ZFHX3: variants seen among roughly 807,000 people sequenced by gnomAD.
ZFHX3 encodes the protein zinc finger homeobox 3.
In ZFHX3, 42 loss-of-function variants were observed where a neutral mutation model predicts 279.1. That is an observed-to-expected ratio of 0.15 (90% CI 0.12 to 0.19). The LOEUF is 0.19. ZFHX3 is among the 10% of genes least tolerant of loss of function. The pLI is 1.00. For missense variants in ZFHX3, 4,981 were observed against 4,754.0 expected, an observed-to-expected ratio of 1.05 and a Z score of -1.40; for synonymous variants, 2,293 against 1,957.8, an observed-to-expected ratio of 1.17 and a Z score of -4.52.
chr16:73,508,363 A>T (rs1336432494), intron 2 of ZFHX3, among the ~76,000 whole-genome samples: 1 of 152,104 alleles, frequency 6.6e-6, no homozygotes, highest in Non-Finnish European at 1.5e-5. Flanking sequence ...GAGAAAGAGG[A>T]GGAGGAAGAG....
At chr16:73,388,718 T>G (rs1351150192) in intron 3 of ZFHX3, 1 of 152,236 alleles carries the variant, frequency 6.6e-6, no homozygotes. Flanking sequence ...ACTTCCCTAT[T>G]AGAAGGCCTC....
At chr16:73,756,484 T>TC (rs1374517242) in intron 1 of ZFHX3, among the ~76,000 whole-genome samples, 1 of 152,048 alleles carries the variant, frequency 6.6e-6, no homozygotes, top group Non-Finnish European at 1.5e-5. Flanking sequence ...TTCTTCCCCT[T>TC]CCTGGCAATA....
At chr16:73,247,616 G>C (rs1358123586) in intron 5 of ZFHX3, among the ~76,000 whole-genome samples, 1 of 151,564 alleles carries the variant, frequency 6.6e-6, no homozygotes, top group Non-Finnish European at 1.5e-5. Flanking sequence ...ATATGTACCT[G>C]TATGTGGAGT....
intron 2 of ZFHX3, among the ~76,000 whole-genome samples, chr16:73,647,928 A>G (rs1270420171): frequency 1.3e-5 from 2 of 152,228 alleles, no homozygotes; most frequent in Admixed American, 6.5e-5. Flanking sequence ...TAAGCATATA[A>G]AACATACGCT....
chr16:73,058,496 G>GGCGGC (rs1402058063), intron 1 of ZFHX3: 23 of 167,858 alleles, frequency 1.4e-4, no homozygotes, highest in African/African-American at 5.9e-4. Flanking sequence ...CGGCGGCGGC[G>GGCGGC]GGAAAAAAAA....
chr16:73,240,227 CTT>C (rs57832372), intron 5 of ZFHX3, among the ~76,000 whole-genome samples: 1 of 146,038 alleles, frequency 6.8e-6, no homozygotes, highest in African/African-American at 2.5e-5. Context: ...ATTTTCTTTT[CTT>C]TTTTTTTTTG....
intron 3 of ZFHX3, among the ~76,000 whole-genome samples, chr16:72,946,524 G>A (rs1431528005): frequency 6.6e-6 from 1 of 152,180 alleles, no homozygotes; most frequent in African/African-American, 2.4e-5. Context: ...AACAGATTCT[G>A]GGAGATGGTG....
chr16:73,298,217 A>AT (rs764184367), intron 4 of ZFHX3, among the ~76,000 whole-genome samples: 4,928 of 138,510 alleles, frequency 0.036, 229 homozygotes, highest in African/African-American at 0.099. Context: ...AAAAATCAGA[A>AT]TTTTTTTTTT....
At chr16:73,637,586 AAT>A (rs1482943941) in intron 2 of ZFHX3, among the ~76,000 whole-genome samples, 2 of 152,236 alleles carry the variant, frequency 1.3e-5, no homozygotes, top group South Asian at 2.1e-4. Context: ...GTGTTTATTA[AAT>A]GTTATAGTGT....
intron 4 of ZFHX3, among the ~76,000 whole-genome samples, chr16:72,874,122 A>AGGT (rs1216614584): frequency 6.7e-6 from 1 of 149,640 alleles, no homozygotes; most frequent in Non-Finnish European, 1.5e-5. Flanking sequence ...ACTTTTAAAC[A>AGGT]GGTGGTCTTT....
At chr16:73,854,954 C>A (rs1240942196) in intron 1 of ZFHX3, among the ~76,000 whole-genome samples, 1 of 151,788 alleles carries the variant, frequency 6.6e-6, no homozygotes, top group Non-Finnish European at 1.5e-5. Flanking sequence ...ATTACATAAA[C>A]CAGAATTCAA....
intron 5 of ZFHX3, among the ~76,000 whole-genome samples, chr16:73,254,846 G>C (rs1385052568): frequency 6.6e-6 from 1 of 152,114 alleles, no homozygotes; most frequent in Non-Finnish European, 1.5e-5. Context: ...AGGGGAAATA[G>C]AATATGAGAG....
chr16:73,112,295 T>C (rs1325464178), intron 7 of ZFHX3, among the ~76,000 whole-genome samples: 2 of 150,508 alleles, frequency 1.3e-5, no homozygotes, highest in Non-Finnish European at 3.0e-5. Flanking sequence ...GTCGACACAA[T>C]AGGAAGACAG....
intron 8 of ZFHX3, among the ~76,000 whole-genome samples, chr16:73,088,511 T>C (rs965483414): frequency 5.9e-5 from 9 of 152,162 alleles, no homozygotes; most frequent in African/African-American, 2.2e-4. Context: ...AAGCCTAGAA[T>C]ATAAGAAACC....
chr16:72,884,692 A>G (rs1424113991), intron 4 of ZFHX3, among the ~76,000 whole-genome samples: 1 of 152,232 alleles, frequency 6.6e-6, no homozygotes, highest in Non-Finnish European at 1.5e-5. Flanking sequence ...CTCAAAGCCC[A>G]GGGCACTTGA....
intron 2 of ZFHX3, among the ~76,000 whole-genome samples, chr16:73,586,452 TAA>T (rs61575907): frequency 3.1e-5 from 4 of 128,744 alleles, no homozygotes; most frequent in African/African-American, 2.8e-5. Flanking sequence ...AAGTTGGAGG[TAA>T]AAAAAAAAAA....
intron 3 of ZFHX3, among the ~76,000 whole-genome samples, chr16:73,353,298 TC>T (rs2016281090): frequency 6.6e-6 from 1 of 152,032 alleles, no homozygotes; most frequent in Non-Finnish European, 1.5e-5. Flanking sequence ...TTTCACCGAG[TC>T]CCCCTGGCCA....
At chr16:73,322,094 A>G (rs2015585923) in intron 3 of ZFHX3, among the ~76,000 whole-genome samples, 1 of 152,210 alleles carries the variant, frequency 6.6e-6, no homozygotes, top group Non-Finnish European at 1.5e-5. Flanking sequence ...GACTTTGCTC[A>G]GTAAGCTGGC....
intron 4 of ZFHX3, among the ~76,000 whole-genome samples, chr16:72,847,833 C>G (rs2037516477): frequency 6.6e-6 from 1 of 152,092 alleles, no homozygotes; most frequent in Admixed American, 6.5e-5. Flanking sequence ...CAGGGCCAAA[C>G]CCATCACGGC....
Sources: allele counts gnomAD v4.1 joint callset (sites outside exome capture counted in the v4.1 genomes callset), GRCh38; gene constraint gnomAD v4.1.1; transcripts MANE v1.5; gene names NCBI Gene and HGNC (gene_info 2026-07-23, HGNC 2026-07-21).